Variants in ELP2 observed in about 807,000 individuals in gnomAD.
ELP2 encodes the protein elongator acetyltransferase complex subunit 2, also known as elongator complex protein 2.
Under a neutral mutation model 119.2 loss-of-function variants are expected in ELP2, and 90 were observed. The observed-to-expected ratio is 0.75, with a 90% confidence interval of 0.64 to 0.90. The LOEUF is 0.90. Among genes scored for constraint, ELP2 ranks in the 40% least tolerant of loss-of-function variants. ELP2 has a pLI of 0.00. For missense variants in ELP2, 921 were observed against 967.8 expected (o/e 0.95, Z 0.64); for synonymous variants, 339 against 331.0 (o/e 1.02, Z -0.26).
At chr18:36,138,469 T>G in intron 4 of ELP2, 43 bp downstream of exon 4, 1 of 1,596,818 alleles carries the variant, frequency 6.3e-7, no homozygotes, top group Non-Finnish European at 8.6e-7. Flanking sequence ...GAAATAATAT[T>G]TAACAAATGA....
chr18:36,151,030 A>G (rs552923323), intron 11 of ELP2, among the ~76,000 whole-genome samples: 7 of 147,426 alleles, frequency 4.7e-5, no homozygotes, highest in East Asian at 2.0e-4. Context: ...TTCCCCCCCT[A>G]TTGCCCCACG....
Position 36,176,127 on chromosome 18 carries a change from G to A in ELP2, c.*1486G>A, listed in dbSNP as rs1191052476. ...ATATTATTATGTCAACCTATAATCA[G>A]TATAAAAACCTGTTACTGAAATATT... On this transcript the variant is annotated 3_prime_UTR_variant, in exon 22 of 22. Transcript: ENST00000358232. 1 of 152,078 alleles carries A rather than the reference G, an allele frequency of 6.6e-6. No homozygotes were observed. The highest frequency in any genetic ancestry group is 6.6e-5 in the Admixed American group (1 of 15,266). The allele number at this position is 152,078 out of a possible 1,614,324, so 9.4% of individuals were successfully genotyped here. A position where few individuals can be genotyped will look rare whatever the true frequency, so the allele number is the denominator to read the frequency against.
chr18:36,160,395 C>T (rs1394540937), intron 16 of ELP2, among the ~76,000 whole-genome samples: 1 of 151,666 alleles, frequency 6.6e-6, no homozygotes, highest in South Asian at 2.1e-4. Flanking sequence ...GACAACATAG[C>T]GAGACCCCAT....
chr18:36,145,169 A>G (rs1186184267), intron 9 of ELP2, 135 bp downstream of exon 9: 15 of 719,850 alleles, frequency 2.1e-5, no homozygotes, highest in African/African-American at 3.5e-5. Flanking sequence ...TTGACAAAGT[A>G]TAATACTGCA....
At chr18:36,171,687 C>G (rs2091085802) in intron 21 of ELP2, among the ~76,000 whole-genome samples, 1 of 152,098 alleles carries the variant, frequency 6.6e-6, no homozygotes, top group Admixed American at 6.5e-5. Context: ...CAGTAGGGAT[C>G]ACTTTTAATC....
At chr18:36,156,727 G>T in intron 13 of ELP2, 73 bp downstream of exon 13, 3 of 1,371,054 alleles carry the variant, frequency 2.2e-6, no homozygotes, top group Non-Finnish European at 3.1e-6. Context: ...TTTGCCTTAG[G>T]CTTTAAATGG....
At chr18:36,160,438 A>C (rs1436661379) in intron 16 of ELP2, among the ~76,000 whole-genome samples, 1 of 151,974 alleles carries the variant, frequency 6.6e-6, no homozygotes, top group African/African-American at 2.4e-5. Context: ...TTAGCCAGGC[A>C]TGATGATGCA....
chr18:36,160,509 T>G (rs1331201508), intron 16 of ELP2, among the ~76,000 whole-genome samples: 1 of 150,714 alleles, frequency 6.6e-6, no homozygotes, highest in Non-Finnish European at 1.5e-5. Flanking sequence ...GCCCAGGAAT[T>G]GGAGGCTGCA....
intron 11 of ELP2, among the ~76,000 whole-genome samples, chr18:36,150,482 A>G (rs559161434): frequency 2.6e-5 from 4 of 152,322 alleles, no homozygotes; most frequent in African/African-American, 7.2e-5. Flanking sequence ...CAGGTGTCAT[A>G]GGGATAGCTT....
intron 11 of ELP2, among the ~76,000 whole-genome samples, chr18:36,148,732 T>G (rs2144671083): frequency 6.6e-6 from 1 of 152,246 alleles, no homozygotes; most frequent in South Asian, 2.1e-4. Flanking sequence ...CTTGCAGCCC[T>G]GGGTATCGTT....
At chr18:36,166,325 T>TTTG (rs2090899971) in intron 18 of ELP2, among the ~76,000 whole-genome samples, 4 of 83,288 alleles carry the variant, frequency 4.8e-5, no homozygotes, top group Middle Eastern at 5.2e-3. Flanking sequence ...TAGGGTTTTT[T>TTTG]TTTTTTTTTT....
chr18:36,132,399 T>C (rs192513415), intron 1 of ELP2, among the ~76,000 whole-genome samples: 1 of 152,314 alleles, frequency 6.6e-6, no homozygotes, highest in East Asian at 1.9e-4. Flanking sequence ...GTAAATTGTT[T>C]TCCAGCCTCA....
In ELP2 at chr18:36,154,939, T is replaced by C; in HGVS notation, c.1215T>C (p.Thr405=). The change falls in exon 12 of 22, where the codon ACT becomes ACC. Residue 405 remains threonine (T), a synonymous_variant. Coordinates refer to ENST00000358232, the MANE Select transcript of ELP2 (RefSeq NM_018255.4). ...VWDPEGEFII[T]VGTDQTTRLF... ...ATCCAGAAGGAGAATTTATTATCAC[T>C]GTTGGTACTGATCAGACAACTAGAC... 1 of 1,614,072 alleles carries C rather than the reference T, an allele frequency of 6.2e-7. No homozygotes were observed. Among genetic ancestry groups the C allele is most frequent in the Non-Finnish European group, 8.5e-7 (1 of 1,179,916 alleles).
intron 18 of ELP2, among the ~76,000 whole-genome samples, chr18:36,166,327 T>G (rs2090900289): frequency 2.9e-5 from 2 of 69,714 alleles, no homozygotes; most frequent in Admixed American, 1.6e-4. Context: ...GGGTTTTTTT[T>G]TTTTTTTTTT....
rs1401203247 is a variant in ELP2, at chr18:36,142,872, A to T, written c.702A>T (p.Arg234Ser). The T allele has an allele frequency of 6.2e-7, 1 of 1,607,140 alleles. No homozygotes were observed. Among genetic ancestry groups the T allele is most frequent in the Admixed American group, 1.7e-5 (1 of 59,896 alleles). ...LASCSQDCLI[R>S]IWKLYIKSTS... ...GCTGTTCACAAGATTGCCTGATAAGAATATGGAAGCTGTATATAAAGTCAA... is the reference window on the plus strand; with the variant it reads ...GCTGTTCACAAGATTGCCTGATAAGTATATGGAAGCTGTATATAAAGTCAA... The change falls in exon 8 of 22, where the codon AGA becomes AGT. Residue 234 changes from arginine (R) to serine (S), a missense_variant. Transcript: ENST00000358232.
At position 36,175,951 on chromosome 18, in the gene ELP2, T is replaced by C. The variant is rs2090236095; in HGVS notation, c.*1310T>C. The C allele has an allele frequency of 6.6e-6, 1 of 152,196 alleles. No individual in the cohort carries two copies. The highest frequency in any genetic ancestry group is 6.5e-5 in the Admixed American group (1 of 15,280). The allele number at this position is 152,196 out of a possible 1,614,324, so 9.4% of individuals were successfully genotyped here. A position where few individuals can be genotyped will look rare whatever the true frequency, so the allele number is the denominator to read the frequency against. The stretch of plus-strand genomic sequence containing the variant: ...AAGGGGTTAAGATGTTTTACCTAAA[T>C]GGAGGTTTCTAGGTCAGTGCTATAC... On this transcript the variant is annotated 3_prime_UTR_variant, in exon 22 of 22. Coordinates refer to ENST00000358232, the MANE Select transcript of ELP2 (RefSeq NM_018255.4).
intron 8 of ELP2, 42 bp from the exon 9 acceptor site, chr18:36,144,897 A>G (rs1390592515): frequency 1.3e-6 from 2 of 1,494,600 alleles, no homozygotes; most frequent in Non-Finnish European, 9.3e-7. Flanking sequence ...TTCTTTTTAG[A>G]AGAGCTTTGA....
chr18:36,166,698 A>C (rs1282900500), intron 18 of ELP2, among the ~76,000 whole-genome samples: 1 of 152,142 alleles, frequency 6.6e-6, no homozygotes, highest in Non-Finnish European at 1.5e-5. Flanking sequence ...TAAATCTTAA[A>C]AGGAAAATAT....
chr18:36,156,659 G>A lies in ELP2; in HGVS notation c.1464+5G>A, dbSNP rs1006483285. The A allele has an allele frequency of 6.2e-7, 1 of 1,612,662 alleles. No individual in the cohort carries two copies. Among genetic ancestry groups the A allele is most frequent in the Non-Finnish European group, 8.5e-7 (1 of 1,178,806 alleles). ...CTGAATCATGTGCTCTGTAATGTGA[G>A]TATTTCTCTAAATATTTTACCTAAA... On this transcript the variant is annotated splice_donor_5th_base_variant and intron_variant, in intron 13 of 21. Transcript: ENST00000358232.
Sources: allele counts gnomAD v4.1 joint callset (sites outside exome capture counted in the v4.1 genomes callset), GRCh38; gene constraint gnomAD v4.1.1; transcripts MANE v1.5; gene names NCBI Gene and HGNC (gene_info 2026-07-23, HGNC 2026-07-21).